The following CDKAL1 variants were observed in gnomAD, a reference collection of about 807,000 sequenced individuals.
CDKAL1 encodes threonylcarbamoyladenosine tRNA methylthiotransferase.
CDKAL1 carries 32 observed loss-of-function variants against 68.2 expected under a neutral mutation model. That is an observed-to-expected ratio of 0.47 (90% CI 0.35 to 0.63). The LOEUF is 0.63. CDKAL1 is among the 30% of genes least tolerant of loss of function. CDKAL1 has a pLI of 0.00. For missense variants in CDKAL1, 606 were observed against 696.7 expected (o/e 0.87, Z 1.47); for synonymous variants, 234 against 244.3 (o/e 0.96, Z 0.39).
At chr6:20,840,228 T>A (rs185571370) in intron 8 of CDKAL1, among the ~76,000 whole-genome samples, 1 of 152,204 alleles carries the variant, frequency 6.6e-6, no homozygotes. Context: ...AATGCATAAC[T>A]GAGTTTCTGG....
chr6:20,923,397 T>A (rs1369476221), intron 9 of CDKAL1, among the ~76,000 whole-genome samples: 1 of 152,190 alleles, frequency 6.6e-6, no homozygotes, highest in Admixed American at 6.5e-5. Context: ...CTGTGCCACA[T>A]TTTGGTATGT....
At chr6:20,722,520 C>G in intron 5 of CDKAL1, 1 of 336,234 alleles carries the variant, frequency 3.0e-6, no homozygotes, top group South Asian at 3.0e-5. Context: ...ACCATAGCCA[C>G]TCTGCTTCCT....
Position 20,581,363 on chromosome 6 carries a change from A to C in CDKAL1, c.286+32658A>C, listed in dbSNP as rs1045893735. Reference sequence around the variant, plus strand: ...AATATACACTTAGAGTGTAAAAGATACTGAGTTAGATGCTGTAGGGGCTCC... The same window carrying C: ...AATATACACTTAGAGTGTAAAAGATCCTGAGTTAGATGCTGTAGGGGCTCC... On this transcript the variant is annotated intron_variant, in intron 4 of 15. Transcript: ENST00000274695. Among the ~76,000 whole-genome samples the C allele has an allele frequency of 5.3e-5, 8 of 152,204 alleles. 1 individual carries two copies. Among genetic ancestry groups the C allele is most frequent in the African/African-American group, 1.9e-4 (8 of 41,462 alleles).
chr6:20,891,563 T>A (rs948132947), intron 9 of CDKAL1, among the ~76,000 whole-genome samples: 1 of 142,972 alleles, frequency 7.0e-6, no homozygotes, highest in African/African-American at 2.6e-5. Flanking sequence ...TGAGACGGAG[T>A]CTCACTCTGT....
intron 11 of CDKAL1, among the ~76,000 whole-genome samples, chr6:21,045,292 T>C (rs1470746994): frequency 6.6e-6 from 1 of 152,214 alleles, no homozygotes; most frequent in Non-Finnish European, 1.5e-5. Context: ...GGACTTGGTA[T>C]CAAGCACCGC....
intron 8 of CDKAL1, among the ~76,000 whole-genome samples, chr6:20,810,284 G>A (rs1658009278): frequency 6.6e-6 from 1 of 151,810 alleles, no homozygotes; most frequent in African/African-American, 2.4e-5. Context: ...TTGTTTTGAA[G>A]CAAAGTGCAG....
chr6:20,906,894 G>T (rs1762251542), intron 9 of CDKAL1, among the ~76,000 whole-genome samples: 1 of 152,186 alleles, frequency 6.6e-6, no homozygotes. Context: ...CCTTGAGGAT[G>T]TTAATATTAA....
At chr6:21,013,671 G>A (rs1381509151) in intron 11 of CDKAL1, among the ~76,000 whole-genome samples, 2 of 152,164 alleles carry the variant, frequency 1.3e-5, no homozygotes, top group African/African-American at 2.4e-5. Flanking sequence ...TCCAAGTTCT[G>A]CAGGGGACAA....
At chr6:20,924,021 T>C (rs1417562152) in intron 9 of CDKAL1, among the ~76,000 whole-genome samples, 4 of 150,728 alleles carry the variant, frequency 2.7e-5, no homozygotes, top group Admixed American at 2.0e-4. Context: ...CTAGAAATGA[T>C]TAAGCTTAGT....
rs371165972 is a variant in CDKAL1, at chr6:21,203,215, A to ATTTTTTTTTTTT, written c.1548+1967_1548+1978dup. On this transcript the variant is annotated intron_variant, in intron 15 of 15. Transcript: ENST00000274695. ...TAGGCATGCACCACCATCCTGGCTA[A>ATTTTTTTTTTTT]TTTTTTTTTTTTTTTTTTTTTTTTT... Among the ~76,000 whole-genome samples, 5 of 47,090 alleles carry ATTTTTTTTTTTT rather than the reference A, an allele frequency of 1.1e-4. 1 individual carries two copies. Among genetic ancestry groups the ATTTTTTTTTTTT allele is most frequent in the African/African-American group, 1.8e-4 (2 of 11,342 alleles). 30.9% of individuals were successfully genotyped at this position (47,090 alleles called of 152,430 possible). A position where few individuals can be genotyped will look rare whatever the true frequency, so the allele number is the denominator to read the frequency against.
At chr6:20,600,784 A>ATATATATG (rs1561956275) in intron 4 of CDKAL1, among the ~76,000 whole-genome samples, 28 of 148,410 alleles carry the variant, frequency 1.9e-4, no homozygotes, top group African/African-American at 5.2e-4. Context: ...ATATATATAT[A>ATATATATG]TATACACACA....
chr6:21,207,402 T>C (rs1778981816), intron 15 of CDKAL1, among the ~76,000 whole-genome samples: 1 of 152,064 alleles, frequency 6.6e-6, no homozygotes, highest in South Asian at 2.1e-4. Context: ...GGTGTATACC[T>C]GTAGTCTCAG....
chr6:21,137,090 T>C (rs1454522677), intron 13 of CDKAL1, among the ~76,000 whole-genome samples: 2 of 150,970 alleles, frequency 1.3e-5, no homozygotes, highest in Non-Finnish European at 3.0e-5. Flanking sequence ...AAGAAGGAAC[T>C]ATTGGGAGGA....
intron 10 of CDKAL1, among the ~76,000 whole-genome samples, chr6:20,982,700 T>G (rs952419277): frequency 6.6e-6 from 1 of 151,836 alleles, no homozygotes. Context: ...TCTGTTAACA[T>G]TGGGCAAAAC....
At chr6:20,589,061 G>A (rs970670177) in intron 4 of CDKAL1, among the ~76,000 whole-genome samples, 1 of 152,110 alleles carries the variant, frequency 6.6e-6, no homozygotes, top group African/African-American at 2.4e-5. Flanking sequence ...TTTCATTCAT[G>A]TAGTCCTGTG....
At chr6:21,123,470 C>T (rs1022229394) in intron 13 of CDKAL1, among the ~76,000 whole-genome samples, 2 of 151,818 alleles carry the variant, frequency 1.3e-5, no homozygotes, top group African/African-American at 4.8e-5. Flanking sequence ...CAAAACAAAA[C>T]AAAAAAACAG....
chr6:20,988,951 C>G (rs910072579), intron 10 of CDKAL1, among the ~76,000 whole-genome samples: 66 of 152,016 alleles, frequency 4.3e-4, no homozygotes, highest in African/African-American at 1.6e-3. Context: ...AGCCACCGTG[C>G]CTGGCTGAGA....
At chr6:21,060,373 G>T (rs1771078014) in intron 11 of CDKAL1, among the ~76,000 whole-genome samples, 1 of 152,108 alleles carries the variant, frequency 6.6e-6, no homozygotes, top group African/African-American at 2.4e-5. Flanking sequence ...ACTGTTGGTA[G>T]CATCTGTAGT....
chr6:20,767,437 G>A (rs1311343274), intron 7 of CDKAL1, among the ~76,000 whole-genome samples: 2 of 151,864 alleles, frequency 1.3e-5, no homozygotes, highest in Non-Finnish European at 2.9e-5. Flanking sequence ...AGCTTTGATA[G>A]GACATAGAAA....
Sources: gnomAD v4.1 joint callset for allele counts (sites outside exome capture counted in the v4.1 genomes callset) on GRCh38, gnomAD v4.1.1 for gene constraint, MANE v1.5 for transcripts, NCBI Gene and HGNC (gene_info 2026-07-23, HGNC 2026-07-21) for gene names.